BCAS3: variants seen among roughly 807,000 people sequenced by gnomAD.
BCAS3 encodes BCAS3 microtubule associated cell migration factor.
Under a neutral mutation model 116.1 loss-of-function variants are expected in BCAS3, and 53 were observed. The ratio of observed to expected loss-of-function variants is 0.46; its 90% CI spans 0.37 to 0.57. BCAS3 has a LOEUF of 0.57. BCAS3 is among the 20% of genes least tolerant of loss of function. BCAS3 has a pLI of 0.00. For missense variants in BCAS3, 917 were observed against 1,165.4 expected (o/e 0.79, Z 3.10); for synonymous variants, 391 against 408.2 (o/e 0.96, Z 0.51).
At chr17:60,782,791 T>C (rs2144497646) in intron 6 of BCAS3, among the ~76,000 whole-genome samples, 1 of 151,874 alleles carries the variant, frequency 6.6e-6, no homozygotes, top group East Asian at 1.9e-4. Flanking sequence ...CTTCACCATG[T>C]TGGCCAGGAT....
intron 19 of BCAS3, among the ~76,000 whole-genome samples, chr17:61,042,586 A>G (rs1378840033): frequency 6.6e-6 from 1 of 151,922 alleles, no homozygotes; most frequent in Non-Finnish European, 1.5e-5. Context: ...TCAAAATTGT[A>G]TTTTAGAAAG....
intron 22 of BCAS3, among the ~76,000 whole-genome samples, chr17:61,293,313 G>C (rs1254310574): frequency 6.6e-6 from 1 of 152,156 alleles, no homozygotes; most frequent in African/African-American, 2.4e-5. Flanking sequence ...CTCACTTATA[G>C]CTTGAGAAAA....
Position 61,017,663 on chromosome 17 carries a change from G to A in BCAS3, c.1637+1762G>A, listed in dbSNP as rs931297673. 6.6e-6 allele frequency among the ~76,000 whole-genome samples: 1 copy of A among 152,136 alleles called. No homozygotes were observed. The highest frequency in any genetic ancestry group is 1.5e-5 in the Non-Finnish European group (1 of 68,014). ...CTTCTCCAAATATATCTCTGAAATA[G>A]TAACTGAAGTTTAGTGCATAAAATG... On this transcript the variant is annotated intron_variant, in intron 16 of 23. Coordinates refer to ENST00000407086, the MANE Select transcript of BCAS3 (RefSeq NM_017679.5). The surrounding 1 kb of genome is among the most constrained non-coding windows in gnomAD (Gnocchi z 4.7).
rs752728745 is a variant in BCAS3, at chr17:61,097,248, G to A, written c.2425+12684G>A. 1.3e-5 allele frequency among the ~76,000 whole-genome samples: 2 copies of A among 151,960 alleles called. No individual in the cohort carries two copies. The highest frequency in any genetic ancestry group is 3.9e-4 in the East Asian group (2 of 5,170). The stretch of plus-strand genomic sequence containing the variant: ...GGCTGGAGTGCAGTGGCGCAATCTC[G>A]GCTCACTGCAAGCTCCACCTCCCGG... On this transcript the variant is annotated intron_variant, in intron 22 of 23. Transcript: ENST00000407086. The surrounding 1 kb of genome is among the most constrained non-coding windows in gnomAD (Gnocchi z 4.0).
chr17:60,840,459 C>A (rs1302706786), intron 7 of BCAS3, among the ~76,000 whole-genome samples: 1 of 152,046 alleles, frequency 6.6e-6, no homozygotes, highest in Non-Finnish European at 1.5e-5. Flanking sequence ...ATGCAAAAAA[C>A]CTAGTTTGTG....
At chr17:61,184,717 C>T (rs1188024336) in intron 22 of BCAS3, among the ~76,000 whole-genome samples, 1 of 152,090 alleles carries the variant, frequency 6.6e-6, no homozygotes, top group African/African-American at 2.4e-5. Flanking sequence ...AAATGTTCAT[C>T]AACTGGCGAA....
At chr17:60,707,251 C>G (rs936001411) in intron 4 of BCAS3, among the ~76,000 whole-genome samples, 5 of 151,752 alleles carry the variant, frequency 3.3e-5, no homozygotes, top group Admixed American at 3.3e-4. Context: ...TCTCCGCCTC[C>G]CAAAGTGCTG....
intron 19 of BCAS3, chr17:61,069,857 A>T (rs1600952335): frequency 1.2e-6 from 1 of 812,018 alleles, no homozygotes; most frequent in South Asian, 1.5e-5. Flanking sequence ...AAAAAAAAAG[A>T]CCCTTTTCAC....
At position 61,220,058 on chromosome 17, in the gene BCAS3, G is replaced by A. The variant is rs144147036; in HGVS notation, c.2425+135494G>A. 3.9e-5 allele frequency among the ~76,000 whole-genome samples: 6 copies of A among 152,318 alleles called. No individual in the cohort carries two copies. Among genetic ancestry groups the A allele is most frequent in the African/African-American group, 1.2e-4 (5 of 41,578 alleles). On this transcript the variant is annotated intron_variant, in intron 22 of 23. Coordinates refer to ENST00000407086, the MANE Select transcript of BCAS3 (RefSeq NM_017679.5). This position sits in a 1 kb window ranked among gnomAD's most constrained non-coding sequence, Gnocchi z 4.5. ...CGCCTGTAATCCCAGCACTTTGGGA[G>A]GTTGAGGTGGGCAGATCACACGGTC...
chr17:60,968,060 T>C (rs2061753409), intron 14 of BCAS3, among the ~76,000 whole-genome samples: 1 of 152,180 alleles, frequency 6.6e-6, no homozygotes, highest in South Asian at 2.1e-4. Context: ...CATTAGGGTC[T>C]GTCACTGGAG....
At chr17:61,369,673 C>T (rs576878724) in intron 23 of BCAS3, among the ~76,000 whole-genome samples, 1 of 152,190 alleles carries the variant, frequency 6.6e-6, no homozygotes, top group Non-Finnish European at 1.5e-5. Context: ...CCGTGGTGCT[C>T]CTGTAATAAC....
intron 2 of BCAS3, among the ~76,000 whole-genome samples, chr17:60,682,055 G>A (rs1380713045): frequency 6.6e-6 from 1 of 152,036 alleles, no homozygotes; most frequent in Non-Finnish European, 1.5e-5. Flanking sequence ...TGGTAGAGAT[G>A]GGGTTTCATC....
chr17:60,725,500 C>T (rs77265194), intron 5 of BCAS3, among the ~76,000 whole-genome samples: 6 of 152,184 alleles, frequency 3.9e-5, no homozygotes, highest in African/African-American at 9.6e-5. Context: ...TGTCTTGAGG[C>T]GATAATTTCC....
At position 61,182,285 on chromosome 17, in the gene BCAS3, G is replaced by T. The variant is rs556357398; in HGVS notation, c.2425+97721G>T. 6.3e-4 allele frequency among the ~76,000 whole-genome samples: 96 copies of T among 152,212 alleles called. 1 individual carries two copies. Among genetic ancestry groups the T allele is most frequent in the African/African-American group, 2.2e-3 (92 of 41,528 alleles). ...GCATCTAAACCATTTTTAGCTAGTT[G>T]TTTATTAACGGTAGTGGAAGAGTGT... On this transcript the variant is annotated intron_variant, in intron 22 of 23. Transcript: ENST00000407086.
chr17:61,045,978 TA>T (rs1568213002), intron 19 of BCAS3, among the ~76,000 whole-genome samples: 1 of 9,178 alleles, frequency 1.1e-4, no homozygotes, highest in African/African-American at 2.0e-3. Context: ...ATATATATAT[TA>T]TATATATATT....
chr17:60,777,781 G>C (rs1314652598), intron 6 of BCAS3, among the ~76,000 whole-genome samples: 1 of 151,940 alleles, frequency 6.6e-6, no homozygotes, highest in Non-Finnish European at 1.5e-5. Flanking sequence ...TTCTGACAGG[G>C]CCCCCTCGGA....
intron 5 of BCAS3, chr17:60,727,175 A>G (rs2039969800): frequency 7.9e-6 from 6 of 756,888 alleles, no homozygotes; most frequent in South Asian, 1.9e-5. Context: ...TTAGAACTGG[A>G]TCTCTTGGCC....
At position 61,118,273 on chromosome 17, in the gene BCAS3, G is replaced by A. The variant is rs2075594857; in HGVS notation, c.2425+33709G>A. 1.3e-5 allele frequency among the ~76,000 whole-genome samples: 2 copies of A among 152,160 alleles called. No individual in the cohort carries two copies. Among genetic ancestry groups the A allele is most frequent in the African/African-American group, 4.8e-5 (2 of 41,444 alleles). On this transcript the variant is annotated intron_variant, in intron 22 of 23. Transcript: ENST00000407086. This position sits in a 1 kb window ranked among gnomAD's most constrained non-coding sequence, Gnocchi z 5.0. ...AATCAGGTTACTACTTGGGAGAGATGGAAGTCCCGGCTCCCAACGTAGTCT... is the reference window on the plus strand; with the variant it reads ...AATCAGGTTACTACTTGGGAGAGATAGAAGTCCCGGCTCCCAACGTAGTCT...
In BCAS3 at chr17:60,790,642, C is replaced by T. The variant is rs554046709; in HGVS notation, c.404-17362C>T. On this transcript the variant is annotated intron_variant, in intron 6 of 23. Coordinates refer to ENST00000407086, the MANE Select transcript of BCAS3 (RefSeq NM_017679.5). ...TCTTGATGCTTTCTCACTACATTAT[C>T]ACAGATTTGTTTAAAAGATATAGGC... 7.3e-5 allele frequency among the ~76,000 whole-genome samples: 11 copies of T among 151,722 alleles called. No homozygotes were observed. The South Asian group carries it at 2.3e-3, about 32-fold the overall frequency.
Sources: allele counts gnomAD v4.1 joint callset (sites outside exome capture counted in the v4.1 genomes callset), GRCh38; gene constraint gnomAD v4.1.1; non-coding constraint Gnocchi (gnomAD v3.1); transcripts MANE v1.5; gene names NCBI Gene and HGNC (gene_info 2026-07-23, HGNC 2026-07-21).